FHIP1A: variants seen among roughly 807,000 people sequenced by gnomAD.
The protein encoded by FHIP1A is FHF complex subunit HOOK-interacting protein 1A.
A neutral mutation model predicts 88.6 loss-of-function variants in FHIP1A; 61 were observed. That is an observed-to-expected ratio of 0.69 (90% CI 0.56 to 0.85). The LOEUF is 0.85. Among genes scored for constraint, FHIP1A ranks in the 40% least tolerant of loss-of-function variants. FHIP1A has a pLI of 0.00. For missense variants in FHIP1A, 1,154 were observed against 1,273.5 expected (o/e 0.91, Z 1.43); for synonymous variants, 478 against 496.0 (o/e 0.96, Z 0.48).
chr4:151,579,607 A>G (rs1733947600), intron 5 of FHIP1A, among the ~76,000 whole-genome samples: 1 of 152,212 alleles, frequency 6.6e-6, no homozygotes, highest in African/African-American at 2.4e-5. Flanking sequence ...CATTTACAAA[A>G]GCAACATAAT....
intron 2 of FHIP1A, among the ~76,000 whole-genome samples, chr4:151,471,867 GT>G (rs1311560977): frequency 6.6e-6 from 1 of 152,086 alleles, no homozygotes; most frequent in Non-Finnish European, 1.5e-5. Flanking sequence ...AACATACAAT[GT>G]TTGTTTTTTC....
chr4:151,489,844 G>C (rs1011748988), intron 3 of FHIP1A, among the ~76,000 whole-genome samples: 2 of 151,998 alleles, frequency 1.3e-5, no homozygotes, highest in Non-Finnish European at 2.9e-5. Flanking sequence ...GTTCAGACCC[G>C]CCTAACCCTG....
intron 1 of FHIP1A, among the ~76,000 whole-genome samples, chr4:151,452,341 T>C (rs1728818675): frequency 2.0e-5 from 3 of 152,222 alleles, no homozygotes; most frequent in African/African-American, 4.8e-5. Flanking sequence ...TTGGAAAATA[T>C]GGACACCTTA....
chr4:151,575,306 A>G (rs112352820), intron 4 of FHIP1A, among the ~76,000 whole-genome samples: 8 of 152,200 alleles, frequency 5.3e-5, no homozygotes, highest in Non-Finnish European at 5.9e-5. Flanking sequence ...GGGCTGGACC[A>G]TGTGTGGTGT....
intron 3 of FHIP1A, among the ~76,000 whole-genome samples, chr4:151,488,002 A>G (rs1320790209): frequency 6.6e-6 from 1 of 152,126 alleles, no homozygotes; most frequent in Non-Finnish European, 1.5e-5. Context: ...TCTTAAAACT[A>G]CACTTCTGCT....
chr4:151,566,220 A>G lies in FHIP1A; in HGVS notation c.-40A>G. The G allele has an allele frequency of 7.6e-7, 1 of 1,317,644 alleles. No homozygotes were observed. Among genetic ancestry groups the G allele is most frequent in the Non-Finnish European group, 1.0e-6 (1 of 964,518 alleles). 81.6% of individuals were successfully genotyped at this position (1,317,644 alleles called of 1,614,324 possible). On this transcript the variant is annotated 5_prime_UTR_variant, in exon 4 of 14. Coordinates refer to ENST00000435205, the MANE Select transcript of FHIP1A (RefSeq NM_001109977.3). ...GTGACGGCTTACCAAATTTTAATGA[A>G]AATTAAATATGACTTAGAAGCATTG...
At chr4:151,607,992 CT>C (rs1444946984) in intron 7 of FHIP1A, among the ~76,000 whole-genome samples, 1 of 142,956 alleles carries the variant, frequency 7.0e-6, no homozygotes, top group Non-Finnish European at 1.5e-5. Flanking sequence ...GCCAGCATCA[CT>C]TTTGATTTTC....
At chr4:151,458,719 G>T (rs1246770611) in intron 2 of FHIP1A, among the ~76,000 whole-genome samples, 1 of 151,994 alleles carries the variant, frequency 6.6e-6, no homozygotes, top group African/African-American at 2.4e-5. Flanking sequence ...TTTAATCCAG[G>T]GCTTCTTGTT....
In FHIP1A at chr4:151,434,269, C is replaced by G. The variant is rs143302180; in HGVS notation, c.-355-20432C>G. On this transcript the variant is annotated intron_variant, in intron 1 of 13. Transcript: ENST00000435205. Reference sequence around the variant, plus strand: ...TTTCTTTTTTAACATATGCATTTCTCATAAGCTATCTCAAATTCTTTGTAG... The same window carrying G: ...TTTCTTTTTTAACATATGCATTTCTGATAAGCTATCTCAAATTCTTTGTAG... Among the ~76,000 whole-genome samples the G allele has an allele frequency of 3.9e-5, 6 of 152,266 alleles. No individual in the cohort carries two copies. The East Asian group carries it at 1.2e-3, about 29-fold the overall frequency.
At chr4:151,475,827 A>G (rs1729677913) in intron 2 of FHIP1A, among the ~76,000 whole-genome samples, 2 of 151,880 alleles carry the variant, frequency 1.3e-5, no homozygotes, top group Non-Finnish European at 2.9e-5. Flanking sequence ...GTTTTTTTTT[A>G]TAGAAAAGGC....
At chr4:151,648,332 G>A (rs527276741) in intron 10 of FHIP1A, among the ~76,000 whole-genome samples, 69 of 152,282 alleles carry the variant, frequency 4.5e-4, no homozygotes, top group African/African-American at 1.5e-3. Flanking sequence ...TAGTAAGTGC[G>A]CAATAAATAC....
intron 5 of FHIP1A, among the ~76,000 whole-genome samples, chr4:151,583,364 A>G (rs910261354): frequency 3.3e-5 from 5 of 152,222 alleles, no homozygotes; most frequent in Non-Finnish European, 5.9e-5. Context: ...TTCTGTACAG[A>G]CAATGTCCTT....
chr4:151,618,043 G>A lies in FHIP1A; in HGVS notation c.979-11659G>A, dbSNP rs144556859. On this transcript the variant is annotated intron_variant, in intron 7 of 13. Transcript: ENST00000435205. ...TGCTTAGTACTTGTTCATCAAATGA[G>A]CTTTATCTGCCAATTGCTGGAAGTT... 2.6e-3 allele frequency among the ~76,000 whole-genome samples: 390 copies of A among 152,304 alleles called. 1 individual carries two copies. The highest frequency in any genetic ancestry group is 4.2e-3 in the Non-Finnish European group (288 of 68,028).
At chr4:151,494,843 C>A (rs1730404228) in intron 3 of FHIP1A, among the ~76,000 whole-genome samples, 1 of 152,102 alleles carries the variant, frequency 6.6e-6, no homozygotes, top group South Asian at 2.1e-4. Context: ...TCTCTGATTT[C>A]TCTGAGAAAT....
intron 7 of FHIP1A, among the ~76,000 whole-genome samples, chr4:151,598,435 A>G (rs774331383): frequency 3.9e-5 from 6 of 152,146 alleles, no homozygotes; most frequent in African/African-American, 9.7e-5. Flanking sequence ...CACCTTCTGC[A>G]TTGATCTTGC....
chr4:151,500,410 C>A (rs1453118262), intron 3 of FHIP1A, among the ~76,000 whole-genome samples: 1 of 133,768 alleles, frequency 7.5e-6, no homozygotes, highest in Non-Finnish European at 1.6e-5. Context: ...CTTTTTTATT[C>A]TTCGATTGTA....
chr4:151,474,183 A>G (rs1729620895), intron 2 of FHIP1A, among the ~76,000 whole-genome samples: 1 of 152,216 alleles, frequency 6.6e-6, no homozygotes, highest in Admixed American at 6.5e-5. Flanking sequence ...GTACTGGTGG[A>G]AAAATTACTG....
intron 3 of FHIP1A, among the ~76,000 whole-genome samples, chr4:151,486,860 C>T (rs180790606): frequency 6.6e-5 from 10 of 151,412 alleles, no homozygotes; most frequent in Admixed American, 5.9e-4. Context: ...CCAAGCTACT[C>T]GGGAGGCTGA....
chr4:151,476,924 G>C (rs1729729520), intron 2 of FHIP1A, among the ~76,000 whole-genome samples: 1 of 152,020 alleles, frequency 6.6e-6, no homozygotes, highest in South Asian at 2.1e-4. Context: ...AATAAACTTA[G>C]GAAAATAATA....
Sources: allele counts gnomAD v4.1 joint callset (sites outside exome capture counted in the v4.1 genomes callset), GRCh38; gene constraint gnomAD v4.1.1; transcripts MANE v1.5; gene names NCBI Gene and HGNC (gene_info 2026-07-23, HGNC 2026-07-21).